The following PPFIA2 variants were observed in gnomAD, a reference collection of about 807,000 sequenced individuals.
PPFIA2 encodes PPFI scaffold protein A2.
In PPFIA2, 46 loss-of-function variants were observed where a neutral mutation model predicts 175.5. The ratio of observed to expected loss-of-function variants is 0.26; its 90% CI spans 0.21 to 0.34. The LOEUF (loss-of-function observed/expected upper bound fraction) is 0.34, where lower values mean the gene tolerates loss of function less well. Among genes scored for constraint, PPFIA2 ranks in the 10% least tolerant of loss-of-function variants. PPFIA2 has a pLI of 1.00. For synonymous variants in PPFIA2, 568 were observed against 511.4 expected, an observed-to-expected ratio of 1.11 and a Z score of -1.49; for missense variants, 1,179 against 1,506.1, an observed-to-expected ratio of 0.78 and a Z score of 3.60.
intron 22 of PPFIA2, among the ~76,000 whole-genome samples, chr12:81,313,686 G>A (rs1294683717): frequency 6.6e-6 from 1 of 151,910 alleles, no homozygotes; most frequent in East Asian, 1.9e-4. Flanking sequence ...TGAACTCTAC[G>A]ATGAGCTCTG....
At chr12:81,325,710 AT>A (rs2054614415) in intron 22 of PPFIA2, 66 bp downstream of exon 22, 4 of 1,166,660 alleles carry the variant, frequency 3.4e-6, no homozygotes, top group Non-Finnish European at 3.7e-6. Flanking sequence ...TCTCTTTTTA[AT>A]TCCCTATAAA....
intron 4 of PPFIA2, among the ~76,000 whole-genome samples, chr12:81,612,121 CTT>C (rs773309369): frequency 4.3e-4 from 65 of 152,202 alleles, no homozygotes; most frequent in Middle Eastern, 3.4e-3. Flanking sequence ...TTTGGTCTCT[CTT>C]GGTGGGAGCA....
chr12:81,506,947 G>T (rs1196295405), intron 4 of PPFIA2, among the ~76,000 whole-genome samples: 1 of 152,130 alleles, frequency 6.6e-6, no homozygotes, highest in Non-Finnish European at 1.5e-5. Context: ...CTTAAACATG[G>T]TTACACAAGA....
intron 4 of PPFIA2, among the ~76,000 whole-genome samples, chr12:81,523,578 C>A (rs1428409966): frequency 1.3e-5 from 2 of 152,090 alleles, no homozygotes; most frequent in Admixed American, 6.5e-5. Flanking sequence ...CTACATGCCT[C>A]TGGGAAATAT....
chr12:81,373,944 A>T (rs1214657610), intron 11 of PPFIA2, among the ~76,000 whole-genome samples: 1 of 152,042 alleles, frequency 6.6e-6, no homozygotes, highest in Non-Finnish European at 1.5e-5. Context: ...AGTTTTATAT[A>T]ACTTGTGACA....
At chr12:81,330,193 C>T (rs1356295440) in intron 21 of PPFIA2, among the ~76,000 whole-genome samples, 1 of 152,036 alleles carries the variant, frequency 6.6e-6, no homozygotes, top group Non-Finnish European at 1.5e-5. Flanking sequence ...ACGATAGCAA[C>T]AACAACAACA....
At position 81,431,067 on chromosome 12, in the gene PPFIA2, T is replaced by TA. The variant is rs538858293; in HGVS notation, c.645+8904dup. On this transcript the variant is annotated intron_variant, in intron 7 of 32. Transcript: ENST00000549396. Reference sequence around the variant, plus strand: ...ATAAGTATGCACAGAGTAAAGGCAATAAAAAATATAGTTCAGCCTGCAACT... The same window carrying TA: ...ATAAGTATGCACAGAGTAAAGGCAATAAAAAAATATAGTTCAGCCTGCAACT... 82 of 152,256 alleles carry TA rather than the reference T, an allele frequency of 5.4e-4. 1 individual carries two copies. Among genetic ancestry groups the TA allele is most frequent in the African/African-American group, 1.9e-3 (81 of 41,546 alleles). The allele number at this position is 152,256 out of a possible 1,614,324, so 9.4% of individuals were successfully genotyped here.
chr12:81,543,540 G>T (rs1478620517), intron 4 of PPFIA2, among the ~76,000 whole-genome samples: 1 of 152,052 alleles, frequency 6.6e-6, no homozygotes, highest in Non-Finnish European at 1.5e-5. Flanking sequence ...TCTTACAAAG[G>T]TTTGCAGAAT....
chr12:81,434,261 T>C (rs1347113457), intron 7 of PPFIA2, among the ~76,000 whole-genome samples: 2 of 152,080 alleles, frequency 1.3e-5, no homozygotes, highest in East Asian at 3.9e-4. Context: ...TATAGCATAA[T>C]AGATCATTAT....
chr12:81,676,507 C>T (rs2072536275), intron 4 of PPFIA2: 1 of 208,972 alleles, frequency 4.8e-6, no homozygotes. Context: ...ACAAACTCTC[C>T]AGTTAGTAGA....
intron 4 of PPFIA2, among the ~76,000 whole-genome samples, chr12:81,595,766 T>C (rs115566943): frequency 0.013 from 1,930 of 152,294 alleles, 46 homozygotes; most frequent in African/African-American, 0.044. Flanking sequence ...TTCTAAATCT[T>C]ACTCTTAAAA....
At chr12:81,421,870 T>C (rs990483055) in intron 7 of PPFIA2, among the ~76,000 whole-genome samples, 1 of 151,902 alleles carries the variant, frequency 6.6e-6, no homozygotes, top group African/African-American at 2.4e-5. Flanking sequence ...AGTTATGTTA[T>C]GCAAATGGTA....
In PPFIA2 at chr12:81,688,802, A is replaced by AATATATATATATATATATAT. The variant is rs3075480; in HGVS notation, c.250-11978_250-11959dup. On this transcript the variant is annotated intron_variant, in intron 3 of 32. Coordinates refer to ENST00000549396, the MANE Select transcript of PPFIA2 (RefSeq NM_003625.5). ...CAAAAACAGGGCAAGTGGTTTATTA[A>AATATATATATATATATATAT]ATATATATATATATATATATATCTG... Among the ~76,000 whole-genome samples, 266 of 140,678 alleles carry AATATATATATATATATATAT rather than the reference A, an allele frequency of 1.9e-3. 1 individual carries two copies. The highest frequency in any genetic ancestry group is 5.7e-3 in the South Asian group (25 of 4,372). 92.3% of individuals were successfully genotyped at this position (140,678 alleles called of 152,430 possible).
chr12:81,291,955 C>T (rs2045150332), intron 24 of PPFIA2, among the ~76,000 whole-genome samples: 1 of 152,058 alleles, frequency 6.6e-6, no homozygotes, highest in Admixed American at 6.6e-5. Context: ...GATCATAAAG[C>T]TTTCTTTACT....
chr12:81,384,535 T>C (rs184025123), intron 8 of PPFIA2, among the ~76,000 whole-genome samples: 42 of 152,076 alleles, frequency 2.8e-4, no homozygotes, highest in Middle Eastern at 3.4e-3. Context: ...ATCCTAAACA[T>C]TTAAGTGTTA....
intron 4 of PPFIA2, among the ~76,000 whole-genome samples, chr12:81,653,418 T>A (rs758080364): frequency 1.3e-4 from 20 of 152,064 alleles, no homozygotes; most frequent in Non-Finnish European, 2.1e-4. Flanking sequence ...ATCCCAGACA[T>A]CCAAAACCAA....
At chr12:81,672,154 T>C (rs929328457) in intron 4 of PPFIA2, among the ~76,000 whole-genome samples, 1 of 151,864 alleles carries the variant, frequency 6.6e-6, no homozygotes, top group African/African-American at 2.4e-5. Flanking sequence ...TGAAAGGAAA[T>C]AATATAACAA....
At chr12:81,600,884 A>C (rs1706834799) in intron 4 of PPFIA2, among the ~76,000 whole-genome samples, 1 of 151,956 alleles carries the variant, frequency 6.6e-6, no homozygotes, top group Admixed American at 6.6e-5. Context: ...ATGTACTTTT[A>C]TGTTTGCCTG....
chr12:81,548,653 T>G (rs570583917), intron 4 of PPFIA2, among the ~76,000 whole-genome samples: 1 of 152,154 alleles, frequency 6.6e-6, no homozygotes, highest in East Asian at 1.9e-4. Context: ...TATATTAATG[T>G]TAGTCAATGG....
Sources: gnomAD v4.1 joint callset for allele counts (sites outside exome capture counted in the v4.1 genomes callset) on GRCh38, gnomAD v4.1.1 for gene constraint, MANE v1.5 for transcripts, NCBI Gene and HGNC (gene_info 2026-07-23, HGNC 2026-07-21) for gene names.